Variants in SP140 observed in about 807,000 individuals in gnomAD.
The protein encoded by SP140 is nuclear body protein SP140.
Under a neutral mutation model 125.0 loss-of-function variants are expected in SP140, and 81 were observed. The observed-to-expected ratio is 0.65, with a 90% CI of 0.54 to 0.78. The LOEUF is 0.78. SP140 is among the 30% of genes least tolerant of loss of function. SP140 has a pLI of 0.00. For missense variants in SP140, 858 were observed against 1,037.0 expected, an observed-to-expected ratio of 0.83 and a Z score of 2.37; for synonymous variants, 312 against 354.0, an observed-to-expected ratio of 0.88 and a Z score of 1.33.
downstream of SP140, among the ~76,000 whole-genome samples, chr2:230,315,111 CA>C (rs558316685): frequency 1.1e-3 from 175 of 152,232 alleles, no homozygotes; most frequent in Middle Eastern, 3.4e-3. Context: ...GACATATAAT[CA>C]AAAAAGATTG....
the SP140 span, among the ~76,000 whole-genome samples, chr2:230,186,911 G>A: frequency 3.3e-5 from 5 of 152,258 alleles, no homozygotes; most frequent in East Asian, 9.6e-4. Context: ...TGGTCAATGG[G>A]CACTGAGGTT....
rs576462736 is a variant in SP140, at chr2:230,305,582, C to T, written c.2059-4342C>T. ...GGGCTAGGCCCAGCTGCCCGTAGGG[C>T]GTGGTCAGGCAGGGAGGGGTGAGCA... On this transcript the variant is annotated intron_variant, in intron 22 of 26. Coordinates refer to ENST00000392045, the MANE Select transcript of SP140 (RefSeq NM_007237.5). Among the ~76,000 whole-genome samples, 15 of 152,322 alleles carry T rather than the reference C, an allele frequency of 9.8e-5. No individual in the cohort carries two copies. In the South Asian group the frequency reaches 2.7e-3, roughly 27 times the overall value.
At chr2:230,210,151 C>T (rs1249733969) in intron 1 of SP140, 2 of 737,046 alleles carry the variant, frequency 2.7e-6, no homozygotes, top group Non-Finnish European at 4.9e-6. Flanking sequence ...TTCCCTGGCT[C>T]TGTCTTGATT....
intron 1 of SP140, among the ~76,000 whole-genome samples, chr2:230,204,789 C>T (rs1162658465): frequency 6.6e-6 from 1 of 151,952 alleles, no homozygotes; most frequent in Admixed American, 6.6e-5. Flanking sequence ...AGTATGTATT[C>T]CTGAGATAGA....
At chr2:230,219,877 G>A (rs976774356) in intron 3 of SP140, 1 of 977,214 alleles carries the variant, frequency 1.0e-6, no homozygotes, top group Non-Finnish European at 1.2e-6. Flanking sequence ...AACTCACCTG[G>A]ACTTTGAGTT....
chr2:230,290,386 T>G, intron 18 of SP140, 74 bp from the exon 19 acceptor site: 1 of 1,335,220 alleles, frequency 7.5e-7, no homozygotes. Context: ...CGTGTCTTTA[T>G]AGGAATTACC....
intron 5 of SP140, 145 bp from the exon 6 acceptor site, chr2:230,244,843 G>A: frequency 1.7e-6 from 1 of 572,914 alleles, no homozygotes; most frequent in East Asian, 3.0e-5. Context: ...AACAGGCAGA[G>A]CAAGGCTGTG....
At chr2:230,201,703 A>T (rs2043198227), upstream of SP140, among the ~76,000 whole-genome samples, 1 of 152,248 alleles carries the variant, frequency 6.6e-6, no homozygotes, top group Non-Finnish European at 1.5e-5. Context: ...CTCACTGTAT[A>T]ATTCCAAATG....
chr2:230,192,277 C>G, the SP140 span, among the ~76,000 whole-genome samples: 2 of 152,166 alleles, frequency 1.3e-5, 1 homozygote, highest in East Asian at 3.8e-4. Context: ...ATTAGAAGTT[C>G]TGGCCAGCAC....
chr2:230,200,864 C>A (rs1215556970), upstream of SP140: 1 of 1,563,138 alleles, frequency 6.4e-7, no homozygotes, highest in Admixed American at 1.7e-5. Flanking sequence ...TACTCTGAGA[C>A]CAGCAATCTC....
At chr2:230,255,590 T>C (rs878952200) in intron 12 of SP140, 58 bp downstream of exon 12, 4 of 1,503,630 alleles carry the variant, frequency 2.7e-6, no homozygotes, top group East Asian at 2.3e-5. Context: ...GAGGTTGAAT[T>C]TGGAGCTCGT....
chr2:230,268,458 GA>G (rs560561633), intron 12 of SP140, among the ~76,000 whole-genome samples: 29 of 151,938 alleles, frequency 1.9e-4, no homozygotes, highest in Non-Finnish European at 3.4e-4. Flanking sequence ...CCAGGAGGCG[GA>G]GGTTGCAGTG....
At chr2:230,207,023 G>C (rs974563756) in intron 1 of SP140, among the ~76,000 whole-genome samples, 1 of 152,202 alleles carries the variant, frequency 6.6e-6, no homozygotes, top group East Asian at 1.9e-4. Flanking sequence ...ACATCTTTAG[G>C]TTGTAAAAGC....
chr2:230,256,465 T>A (rs927820420), intron 12 of SP140, among the ~76,000 whole-genome samples: 1 of 141,642 alleles, frequency 7.1e-6, no homozygotes, highest in South Asian at 2.2e-4. Flanking sequence ...TAGGTGGGAA[T>A]TGAACAATGA....
At chr2:230,199,205 C>CTT (rs35807015), upstream of SP140, among the ~76,000 whole-genome samples, 927 of 89,406 alleles carry the variant, frequency 0.01, 62 homozygotes, top group African/African-American at 0.024. Flanking sequence ...ACATAATCCT[C>CTT]TTTTTTTTTT....
upstream of SP140, chr2:230,221,792 G>T: frequency 1.4e-6 from 2 of 1,390,752 alleles, no homozygotes; most frequent in Non-Finnish European, 2.0e-6. Context: ...GATCTATTCA[G>T]AGATACACCA....
rs571234824 is a variant in SP140, at chr2:230,296,226, G to A, written c.2017-1195G>A. On this transcript the variant is annotated intron_variant, in intron 21 of 26. Coordinates refer to ENST00000392045, the MANE Select transcript of SP140 (RefSeq NM_007237.5). ...ATAGCACTCCAGCCTAGGTGACTGA[G>A]TGAGACTCTGTCTCAAAAAATAAAA... Among the ~76,000 whole-genome samples the A allele has an allele frequency of 7.9e-4, 120 of 152,318 alleles. 2 individuals carry two copies. The South Asian group carries it at 0.013, about 17-fold the overall frequency.
intron 12 of SP140, among the ~76,000 whole-genome samples, chr2:230,263,403 T>C (rs562448750): frequency 5.9e-5 from 9 of 152,316 alleles, no homozygotes; most frequent in South Asian, 2.1e-4. Context: ...TGAGTTCTTA[T>C]CGGTTCTGTG....
At chr2:230,243,978 G>A (rs922990591) in intron 5 of SP140, among the ~76,000 whole-genome samples, 167 bp downstream of exon 5, 3 of 152,174 alleles carry the variant, frequency 2.0e-5, no homozygotes, top group Non-Finnish European at 2.9e-5. Context: ...GTATGTTATA[G>A]TAGAAATATG....
Sources: allele counts gnomAD v4.1 joint callset (sites outside exome capture counted in the v4.1 genomes callset), GRCh38; gene constraint gnomAD v4.1.1; transcripts MANE v1.5; gene names NCBI Gene and HGNC (gene_info 2026-07-23, HGNC 2026-07-21).